The following SPTAN1 variants were observed in gnomAD, a reference collection of about 807,000 sequenced individuals.
SPTAN1 encodes the protein spectrin alpha chain, non-erythrocytic 1.
In SPTAN1, 61 loss-of-function variants were observed where a neutral mutation model predicts 331.3. That is an observed-to-expected ratio of 0.18 (90% confidence interval 0.15 to 0.23). SPTAN1 has a LOEUF of 0.23. Ranked by LOEUF, SPTAN1 falls within the 10% of genes least tolerant of loss-of-function variation. The pLI is 1.00. For synonymous variants in SPTAN1, 1,153 were observed against 1,173.9 expected (o/e 0.98, Z 0.36); for missense variants, 2,043 against 3,147.9 (o/e 0.65, Z 8.40).
chr9:128,612,014 C>A, intron 38 of SPTAN1, 95 bp from the exon 39 acceptor site: 1 of 1,610,528 alleles, frequency 6.2e-7, no homozygotes, highest in South Asian at 1.1e-5. Context: ...TGAGTGTTTT[C>A]CATTCTCTTC....
chr9:128,630,558 A>ATC, intron 52 of SPTAN1, 183 bp downstream of exon 52: 4 of 607,536 alleles, frequency 6.6e-6, no homozygotes, highest in South Asian at 3.7e-5. Flanking sequence ...TCTTCATGGA[A>ATC]TCTCTCTCTC....
chr9:128,632,122 T>C lies in SPTAN1; in HGVS notation c.6763-5T>C, dbSNP rs1442294534. ...TCTGAGCATCTGTGCTCCCCACCCC[T>C]GCAGCGCAAGCACCAGGAAATCCGA... On this transcript the variant is annotated splice_region_variant and splice_polypyrimidine_tract_variant and intron_variant, in intron 52 of 56. Transcript: ENST00000372739. The C allele has an allele frequency of 3.1e-6, 5 of 1,612,960 alleles. No individual in the cohort carries two copies. Among genetic ancestry groups the C allele is most frequent in the Non-Finnish European group, 3.4e-6 (4 of 1,179,910 alleles).
chr9:128,630,526 ATCTC>A (rs34039280), intron 52 of SPTAN1, 151 bp downstream of exon 52: 39 of 690,274 alleles, frequency 5.6e-5, no homozygotes, highest in Non-Finnish European at 8.4e-5. Context: ...GCTCTTCACT[ATCTC>A]TCTCTCTTTT....
At chr9:128,604,184 A>T in intron 28 of SPTAN1, 142 bp from the exon 29 acceptor site, 1 of 880,988 alleles carries the variant, frequency 1.1e-6, no homozygotes, top group Non-Finnish European at 1.8e-6. Flanking sequence ...ATTGTATACT[A>T]ATTTATTCAG....
chr9:128,581,510 A>G (rs1851949323), intron 11 of SPTAN1, among the ~76,000 whole-genome samples: 1 of 151,466 alleles, frequency 6.6e-6, no homozygotes, highest in African/African-American at 2.4e-5. Flanking sequence ...AACAAACCTT[A>G]GCATTATGTA....
intron 27 of SPTAN1, chr9:128,601,533 G>A (rs1855152724): frequency 6.6e-6 from 1 of 151,718 alleles, no homozygotes; most frequent in East Asian, 1.9e-4. Flanking sequence ...ACCAGCCTGG[G>A]CAACATGGCA....
At chr9:128,600,161 T>A in intron 27 of SPTAN1, 46 bp downstream of exon 27, 1 of 1,589,562 alleles carries the variant, frequency 6.3e-7, no homozygotes, top group South Asian at 1.1e-5. Flanking sequence ...TTTTGCGAGA[T>A]CATGAAATAT....
intron 26 of SPTAN1, chr9:128,599,227 C>T (rs1564260939): frequency 2.0e-6 from 1 of 507,200 alleles, no homozygotes; most frequent in South Asian, 2.0e-5. Flanking sequence ...CTCCACCTCC[C>T]AGGTTCAAGC....
At chr9:128,630,617 C>T (rs1051651261) in intron 52 of SPTAN1, 7 of 349,530 alleles carry the variant, frequency 2.0e-5, no homozygotes, top group Non-Finnish European at 3.4e-5. Context: ...GCAACCTCCA[C>T]CTCCCAGGTC....
intron 27 of SPTAN1, among the ~76,000 whole-genome samples, chr9:128,600,783 C>G (rs1460600140): frequency 6.6e-6 from 1 of 150,854 alleles, no homozygotes; most frequent in Non-Finnish European, 1.5e-5. Context: ...CTGCCTCAGC[C>G]TCCCAAGTAG....
rs1852148062 is a variant in SPTAN1 at position 128,583,059 on chromosome 9, C to T, written c.1807-18C>T. The T allele has an allele frequency of 1.2e-6, 2 of 1,611,878 alleles. No homozygotes were observed. Among genetic ancestry groups the T allele is most frequent in the Non-Finnish European group, 8.5e-7 (1 of 1,178,286 alleles). On this transcript the variant is annotated intron_variant, in intron 14 of 56. Coordinates refer to ENST00000372739, the MANE Select transcript of SPTAN1 (RefSeq NM_001130438.3). ...TCTCAGGTTCAAGATAGAAAGAACC[C>T]CCTTCTTTTATTCACAGGATCCATC...
chr9:128,602,111 A>G (rs774026314), intron 27 of SPTAN1, among the ~76,000 whole-genome samples: 16 of 151,642 alleles, frequency 1.1e-4, no homozygotes, highest in Non-Finnish European at 2.1e-4. Flanking sequence ...TCTGACTCCT[A>G]TAAACACACG....
intron 24 of SPTAN1, 126 bp from the exon 25 acceptor site, chr9:128,598,274 C>T (rs1166564997): frequency 1.7e-4 from 99 of 594,354 alleles, no homozygotes; most frequent in Non-Finnish European, 2.4e-4. Flanking sequence ...TAATCCCCCC[C>T]TTTTTTTTTT....
At chr9:128,618,825 G>A in intron 43 of SPTAN1, 46 bp from the exon 44 acceptor site, 2 of 1,613,988 alleles carry the variant, frequency 1.2e-6, no homozygotes, top group Non-Finnish European at 1.7e-6. Context: ...CACAATCAAA[G>A]CTGGAGGAGA....
chr9:128,592,788 C>T lies in SPTAN1; in HGVS notation c.3156-195C>T, dbSNP rs574867513. 2.0e-5 allele frequency among the ~76,000 whole-genome samples: 3 copies of T among 152,176 alleles called. No individual in the cohort carries two copies. The East Asian group carries it at 5.8e-4, about 29-fold the overall frequency. On this transcript the variant is annotated intron_variant, in intron 22 of 56. Coordinates refer to ENST00000372739, the MANE Select transcript of SPTAN1 (RefSeq NM_001130438.3). Reference sequence around the variant, plus strand: ...GCCAGGAAAATGAAGGTGAACTAACCCTCTAATTTTCCTGCTATTTCTTTA... The same window carrying T: ...GCCAGGAAAATGAAGGTGAACTAACTCTCTAATTTTCCTGCTATTTCTTTA...
At chr9:128,587,321 G>A (rs540565147) in intron 19 of SPTAN1, among the ~76,000 whole-genome samples, 145 of 152,288 alleles carry the variant, frequency 9.5e-4, no homozygotes, top group South Asian at 3.5e-3. Flanking sequence ...CTGGGCTCAA[G>A]CTGTCTGCCT....
At chr9:128,587,337 A>T (rs1290917522) in intron 19 of SPTAN1, among the ~76,000 whole-genome samples, 4 of 152,122 alleles carry the variant, frequency 2.6e-5, no homozygotes, top group Non-Finnish European at 5.9e-5. Flanking sequence ...TGCCTGCCTC[A>T]GCCTCCCAAA....
In SPTAN1 at chr9:128,625,710, G is replaced by A. The variant is rs1423660987; in HGVS notation, c.6070-59G>A. ...ACATGCTGGTGCCATCTGAGCCTAG[G>A]AAGAGCAAGTTCCAGTCCTGTGGAG... On this transcript the variant is annotated intron_variant, in intron 47 of 56. Transcript: ENST00000372739. This position sits in a 1 kb window ranked among gnomAD's most constrained non-coding sequence, Gnocchi z 4.1. The A allele has an allele frequency of 2.6e-6, 4 of 1,548,086 alleles. No individual in the cohort carries two copies. The highest frequency in any genetic ancestry group is 3.6e-6 in the Non-Finnish European group (4 of 1,125,088).
chr9:128,630,976 TG>T (rs1303788274), intron 52 of SPTAN1, among the ~76,000 whole-genome samples: 2 of 152,078 alleles, frequency 1.3e-5, no homozygotes, highest in Admixed American at 1.3e-4. Context: ...CCCAAAGTGC[TG>T]GGATTACAAG....
Sources: gnomAD v4.1 joint callset for allele counts (sites outside exome capture counted in the v4.1 genomes callset) on GRCh38, gnomAD v4.1.1 for gene constraint, Gnocchi (gnomAD v3.1) non-coding constraint, MANE v1.5 for transcripts, NCBI Gene and HGNC (gene_info 2026-07-23, HGNC 2026-07-21) for gene names.